Variants in PUS7 observed in about 807,000 individuals in gnomAD.
PUS7 encodes the protein pseudouridine synthase 7, also known as pseudouridylate synthase 7 homolog.
In PUS7, 48 loss-of-function variants were observed where a neutral mutation model predicts 79.8. The ratio of observed to expected loss-of-function variants is 0.60; its 90% CI spans 0.48 to 0.76. The LOEUF (loss-of-function observed/expected upper bound fraction) is 0.76. PUS7 is among the 30% of genes least tolerant of loss of function. The pLI is 0.00. For synonymous variants in PUS7, 286 were observed against 272.2 expected, an observed-to-expected ratio of 1.05 and a Z score of -0.50; for missense variants, 729 against 797.6, an observed-to-expected ratio of 0.91 and a Z score of 1.04.
rs758876418 is a variant in PUS7, at chr7:105,508,262, T to A, written c.251A>T (p.Glu84Val). ...SEAQLEDEEEEEEDGLSEECE... is the reference protein window; with the variant it reads ...SEAQLEDEEEVEEDGLSEECE... Reference sequence around the variant, plus strand: ...CTCCTCTGAAAGTCCATCTTCCTCCTCTTCTTCCTCATCTTCCAACTGAGC... The same window carrying A: ...CTCCTCTGAAAGTCCATCTTCCTCCACTTCTTCCTCATCTTCCAACTGAGC... Residue 84 changes from glutamate to valine, a missense_variant, in exon 2 of 16, where the codon GAG becomes GTG. Coordinates refer to ENST00000469408, the MANE Select transcript of PUS7 (RefSeq NM_019042.5). 5.6e-6 allele frequency: 9 copies of A among 1,614,190 alleles called. No homozygotes were observed. The South Asian group carries it at 9.9e-5, about 18-fold the overall frequency.
At chr7:105,501,781 C>T (rs943229261) in intron 5 of PUS7, among the ~76,000 whole-genome samples, 2 of 151,796 alleles carry the variant, frequency 1.3e-5, no homozygotes, top group African/African-American at 4.8e-5. Context: ...AGGTGAAACC[C>T]CGTCTCTACT....
chr7:105,472,505 G>A (rs1360278031), intron 9 of PUS7, among the ~76,000 whole-genome samples: 1 of 152,092 alleles, frequency 6.6e-6, no homozygotes, highest in Non-Finnish European at 1.5e-5. Flanking sequence ...AAAGTGTTGG[G>A]ATTACAGGTA....
At chr7:105,502,885 A>T (rs553588380) in intron 4 of PUS7, among the ~76,000 whole-genome samples, 2 of 152,214 alleles carry the variant, frequency 1.3e-5, no homozygotes, top group South Asian at 4.1e-4. Flanking sequence ...TTTTTAGTAG[A>T]GATGGGGTTT....
At chr7:105,487,577 G>A (rs1057105864) in intron 7 of PUS7, among the ~76,000 whole-genome samples, 3 of 152,180 alleles carry the variant, frequency 2.0e-5, no homozygotes, top group Admixed American at 6.5e-5. Flanking sequence ...AGCTGACAAT[G>A]TCTTCATGAT....
intron 11 of PUS7, 24 bp downstream of exon 11, chr7:105,470,664 C>T (rs776548127): frequency 6.5e-7 from 1 of 1,540,550 alleles, no homozygotes; most frequent in Non-Finnish European, 8.8e-7. Flanking sequence ...TGAGCCATTG[C>T]CTGACTTCAC....
At chr7:105,491,449 G>A in intron 7 of PUS7, 91 bp downstream of exon 7, 1 of 768,980 alleles carries the variant, frequency 1.3e-6, no homozygotes, top group Admixed American at 3.1e-5. Flanking sequence ...ATCTAAAGCT[G>A]AGAGAGAAAC....
intron 1 of PUS7, among the ~76,000 whole-genome samples, chr7:105,520,195 C>T (rs1826050507): frequency 6.6e-6 from 1 of 152,146 alleles, no homozygotes; most frequent in Non-Finnish European, 1.5e-5. Flanking sequence ...CGCGGTGGCT[C>T]ACGCCTGTAA....
intron 2 of PUS7, among the ~76,000 whole-genome samples, chr7:105,506,831 A>G (rs988391767): frequency 2.0e-4 from 30 of 152,198 alleles, no homozygotes; most frequent in Non-Finnish European, 1.5e-4. Context: ...GAGAAATGCA[A>G]AAACAAAAGC....
intron 1 of PUS7, among the ~76,000 whole-genome samples, chr7:105,521,624 C>A (rs1826116602): frequency 6.6e-6 from 1 of 152,194 alleles, no homozygotes; most frequent in African/African-American, 2.4e-5. Context: ...GCAGGCGCGG[C>A]GAAGCAGTGG....
chr7:105,512,049 G>A (rs947868513), intron 1 of PUS7, among the ~76,000 whole-genome samples: 2 of 149,610 alleles, frequency 1.3e-5, no homozygotes, highest in African/African-American at 2.4e-5. Context: ...GAAGGCTGAG[G>A]TAGGAGAATC....
At chr7:105,475,470 C>T (rs1824066513) in intron 9 of PUS7, among the ~76,000 whole-genome samples, 1 of 151,842 alleles carries the variant, frequency 6.6e-6, no homozygotes, top group Non-Finnish European at 1.5e-5. Flanking sequence ...CAGGCGTCAG[C>T]CACCGTGCCA....
At chr7:105,487,910 C>T (rs908328623) in intron 7 of PUS7, among the ~76,000 whole-genome samples, 19 of 152,168 alleles carry the variant, frequency 1.2e-4, no homozygotes, top group African/African-American at 3.9e-4. Context: ...TCCCCAGGAC[C>T]GATCAATCCA....
chr7:105,472,737 A>C (rs767940979), intron 9 of PUS7, among the ~76,000 whole-genome samples: 1 of 152,136 alleles, frequency 6.6e-6, no homozygotes, highest in Non-Finnish European at 1.5e-5. Flanking sequence ...TTTAAGTAGT[A>C]ACACATGGTA....
At chr7:105,507,280 A>G (rs1274855706) in intron 2 of PUS7, among the ~76,000 whole-genome samples, 1 of 152,072 alleles carries the variant, frequency 6.6e-6, no homozygotes, top group Non-Finnish European at 1.5e-5. Flanking sequence ...TCCTGACCTC[A>G]AGTGATCTGC....
chr7:105,486,960 T>A (rs1427615087), intron 7 of PUS7, among the ~76,000 whole-genome samples: 2 of 152,006 alleles, frequency 1.3e-5, no homozygotes, highest in Non-Finnish European at 2.9e-5. Flanking sequence ...CTCGGGAGGC[T>A]AAGGCAGGAG....
rs1274779150 is a variant in PUS7, at chr7:105,504,241, TC to T, written c.586-1678del. The stretch of plus-strand genomic sequence containing the variant: ...CCCGCCACCACGCCCAGCTAATTTT[TC>T]GTATTTTTAGTAGAGATGGGGTTTC... On this transcript the variant is annotated intron_variant, in intron 4 of 15. Coordinates refer to ENST00000469408, the MANE Select transcript of PUS7 (RefSeq NM_019042.5). Among the ~76,000 whole-genome samples the T allele has an allele frequency of 3.2e-3, 479 of 150,840 alleles. 7 individuals are homozygous for T. Among genetic ancestry groups the T allele is most frequent in the African/African-American group, 0.011 (460 of 41,054 alleles).
chr7:105,469,905 G>GA (rs1371585917), intron 11 of PUS7, among the ~76,000 whole-genome samples: 1 of 152,184 alleles, frequency 6.6e-6, no homozygotes, highest in African/African-American at 2.4e-5. Flanking sequence ...AATGTTTTAG[G>GA]AAAAGTTTAC....
intron 4 of PUS7, among the ~76,000 whole-genome samples, chr7:105,503,039 G>A (rs1386652030): frequency 6.6e-6 from 1 of 152,136 alleles, no homozygotes; most frequent in Non-Finnish European, 1.5e-5. Context: ...GCAAATCCCG[G>A]GAGCCTGTTG....
chr7:105,468,424 G>C lies in PUS7; in HGVS notation c.1438C>G (p.Gln480Glu), dbSNP rs764866083. 1 of 1,611,010 alleles carries C rather than the reference G, an allele frequency of 6.2e-7. No homozygotes were observed. Among genetic ancestry groups the C allele is most frequent in the Non-Finnish European group, 8.5e-7 (1 of 1,177,550 alleles). ...NNRLMYIHSY[Q>E]SYVWNNMVSK... ...ACCATGTTATTCCACACATAGCTTT[G>C]GTAGCTATGAATATACATTAAGCGA... Residue 480 changes from glutamine to glutamate, a missense_variant, in exon 12 of 16, where the codon CAA (glutamine) becomes GAA (glutamate). Gln to Glu is a conservative substitution (Grantham distance 29, BLOSUM62 2). Transcript: ENST00000469408.
Sources: allele counts gnomAD v4.1 joint callset (sites outside exome capture counted in the v4.1 genomes callset), GRCh38; gene constraint gnomAD v4.1.1; transcripts MANE v1.5; gene names NCBI Gene and HGNC (gene_info 2026-07-23, HGNC 2026-07-21).